Variants in GFRA3 observed in about 807,000 individuals in gnomAD.
The protein encoded by GFRA3 is GDNF family receptor alpha-3.
Under a neutral mutation model 40.0 loss-of-function variants are expected in GFRA3, and 24 were observed. That is an observed-to-expected ratio of 0.60 (90% CI 0.43 to 0.84). The LOEUF is 0.84. Ranked by LOEUF, GFRA3 falls within the 40% of genes least tolerant of loss-of-function variation. The pLI is 0.00. For missense variants in GFRA3, 405 were observed against 530.6 expected (o/e 0.76, Z 2.33); for synonymous variants, 203 against 213.5 (o/e 0.95, Z 0.43).
At chr5:138,265,505 A>G (rs1755770781) in intron 1 of GFRA3, among the ~76,000 whole-genome samples, 1 of 152,126 alleles carries the variant, frequency 6.6e-6, no homozygotes, top group African/African-American at 2.4e-5. Flanking sequence ...GGCGTGAGCC[A>G]CCGCGCCTTA....
chr5:138,271,817 A>G (rs1755872353), intron 1 of GFRA3, among the ~76,000 whole-genome samples: 4 of 146,310 alleles, frequency 2.7e-5, no homozygotes, highest in Admixed American at 2.0e-4. Context: ...AGCTCAAGCA[A>G]TCCACCCACC....
intron 3 of GFRA3, among the ~76,000 whole-genome samples, chr5:138,259,233 G>A (rs1346505408): frequency 3.9e-5 from 6 of 152,208 alleles, no homozygotes; most frequent in African/African-American, 4.8e-5. Context: ...TTGAATGCAA[G>A]TAAATACTGC....
intron 2 of GFRA3, among the ~76,000 whole-genome samples, chr5:138,263,857 A>C (rs1041995937): frequency 1.1e-4 from 16 of 152,110 alleles, no homozygotes; most frequent in African/African-American, 3.9e-4. Flanking sequence ...CTGGTTAATG[A>C]GTATTCTTTC....
At chr5:138,263,052 C>CTT (rs1448336038) in intron 2 of GFRA3, among the ~76,000 whole-genome samples, 3 of 152,176 alleles carry the variant, frequency 2.0e-5, no homozygotes, top group African/African-American at 7.2e-5. Context: ...GCAACCTCTG[C>CTT]TTCCCGGGTT....
intron 4 of GFRA3, 44 bp downstream of exon 4, chr5:138,257,595 C>T (rs1367625314): frequency 3.3e-6 from 5 of 1,521,584 alleles, no homozygotes; most frequent in Non-Finnish European, 4.5e-6. Context: ...GAAGGAGTGG[C>T]GTGTGCCTCA....
At chr5:138,261,736 C>A in intron 2 of GFRA3, among the ~76,000 whole-genome samples, 1 of 147,670 alleles carries the variant, frequency 6.8e-6, no homozygotes, top group African/African-American at 2.5e-5. Context: ...AGAAGAAATG[C>A]CACTGTTTCT....
At chr5:138,273,427 G>A (rs1394051730) in intron 1 of GFRA3, among the ~76,000 whole-genome samples, 1 of 152,188 alleles carries the variant, frequency 6.6e-6, no homozygotes, top group African/African-American at 2.4e-5. Context: ...ATAACCTTTA[G>A]GATTAGTGAA....
Position 138,253,001 on chromosome 5 carries a change from C to A in GFRA3, c.1170G>T (p.Thr390=). ...GGCTCAGGAGCAGAATCAAGGGAAGCGTGCAGGAGAAAAGAGAGGGCACCC... is the reference window on the plus strand; with the variant it reads ...GGCTCAGGAGCAGAATCAAGGGAAGAGTGCAGGAGAAAAGAGAGGGCACCC... ...QPWVPSLFSC[T]LPLILLLSLW The change falls in exon 8 of 8, where the codon ACG becomes ACT. Residue 390 remains threonine, a synonymous_variant. Transcript: ENST00000274721. 6.2e-7 allele frequency: 1 copy of A among 1,608,624 alleles called. No individual in the cohort carries two copies. The highest frequency in any genetic ancestry group is 8.5e-7 in the Non-Finnish European group (1 of 1,175,388).
At position 138,264,411 on chromosome 5, in the gene GFRA3, A is replaced by G. The variant is rs1755753045; in HGVS notation, c.229T>C (p.Ser77Pro). 6.2e-7 allele frequency: 1 copy of G among 1,614,002 alleles called. No homozygotes were observed. Among genetic ancestry groups the G allele is most frequent in the Admixed American group, 1.7e-5 (1 of 59,996 alleles). ...CTSSISTPLPSEEPSVPADCL... is the reference protein window; with the variant it reads ...CTSSISTPLPPEEPSVPADCL... ...TCAGCAGGGACCGAAGGCTCCTCTG[A>G]GGGCAGTGGGGTGCTTATGCTAGAG... Residue 77 changes from serine to proline, a missense_variant, in exon 2 of 8, where the codon TCA becomes CCA. Physicochemically the swap from Ser to Pro is moderately conservative, Grantham distance 74 (BLOSUM62 -1). Coordinates refer to ENST00000274721, the MANE Select transcript of GFRA3 (RefSeq NM_001496.4).
chr5:138,253,765 C>T lies in GFRA3; in HGVS notation c.1024+1G>A. 6.2e-7 allele frequency: 1 copy of T among 1,613,712 alleles called. No individual in the cohort carries two copies. Among genetic ancestry groups the T allele is most frequent in the South Asian group, 1.1e-5 (1 of 91,018 alleles). On this transcript the variant is annotated splice_donor_variant, in intron 6 of 7. Coordinates refer to ENST00000274721, the MANE Select transcript of GFRA3 (RefSeq NM_001496.4). LOFTEE classifies it high-confidence loss of function. Reference sequence around the variant, plus strand: ...GCTGGGAGCAAGTACAGCACACTCACTGAGGCAGGGGTTGTGGGAGAAGAA... The same window carrying T: ...GCTGGGAGCAAGTACAGCACACTCATTGAGGCAGGGGTTGTGGGAGAAGAA...
intron 2 of GFRA3, among the ~76,000 whole-genome samples, chr5:138,262,309 A>T (rs1463884742): frequency 6.6e-6 from 1 of 152,156 alleles, no homozygotes. Flanking sequence ...AAAACAATGG[A>T]TAGGGCAACT....
Position 138,257,965 on chromosome 5 carries a change from G to C in GFRA3, c.473-14C>G. 1 of 1,612,090 alleles carries C rather than the reference G, an allele frequency of 6.2e-7. No homozygotes were observed. The highest frequency in any genetic ancestry group is 8.5e-7 in the Non-Finnish European group (1 of 1,178,226). On this transcript the variant is annotated splice_polypyrimidine_tract_variant and intron_variant, in intron 3 of 7. Coordinates refer to ENST00000274721, the MANE Select transcript of GFRA3 (RefSeq NM_001496.4). ...AGAGGTCTGAGTCTGGGGGGAAAGGGCACGGAGTCAGTCGGCTGGGCCCTC... is the reference window on the plus strand; with the variant it reads ...AGAGGTCTGAGTCTGGGGGGAAAGGCCACGGAGTCAGTCGGCTGGGCCCTC...
chr5:138,256,074 A>G (rs1048250341), intron 4 of GFRA3, among the ~76,000 whole-genome samples: 1 of 151,316 alleles, frequency 6.6e-6, no homozygotes, highest in African/African-American at 2.4e-5. Context: ...CTGAAAATAC[A>G]AAAAAAATTA....
At chr5:138,258,691 A>G (rs1755670571) in intron 3 of GFRA3, among the ~76,000 whole-genome samples, 1 of 152,182 alleles carries the variant, frequency 6.6e-6, no homozygotes, top group Non-Finnish European at 1.5e-5. Context: ...TGTCCAAAAC[A>G]GATGCATCCA....
intron 1 of GFRA3, among the ~76,000 whole-genome samples, chr5:138,270,666 A>G (rs1755855787): frequency 6.6e-6 from 1 of 152,122 alleles, no homozygotes; most frequent in Non-Finnish European, 1.5e-5. Flanking sequence ...TAAAGAACTT[A>G]CTTATGTAAC....
At chr5:138,269,429 G>A (rs950968813) in intron 1 of GFRA3, among the ~76,000 whole-genome samples, 8 of 151,716 alleles carry the variant, frequency 5.3e-5, no homozygotes, top group Non-Finnish European at 1.0e-4. Context: ...CCAGCTACTC[G>A]AGAGGCTGAG....
chr5:138,271,054 G>A lies in GFRA3; in HGVS notation c.91+3280C>T, dbSNP rs183521038. Among the ~76,000 whole-genome samples, 119 of 151,720 alleles carry A rather than the reference G, an allele frequency of 7.8e-4. 1 individual carries two copies. Among genetic ancestry groups the A allele is most frequent in the African/African-American group, 2.8e-3 (116 of 41,352 alleles). ...GTTACCCAGGCTGGAGTGCAGTGGC[G>A]CGATCTCGGCTCACTGCAACCTCTG... On this transcript the variant is annotated intron_variant, in intron 1 of 7. Coordinates refer to ENST00000274721, the MANE Select transcript of GFRA3 (RefSeq NM_001496.4).
At chr5:138,268,274 G>A (rs572363367) in intron 1 of GFRA3, among the ~76,000 whole-genome samples, 1 of 50,854 alleles carries the variant, frequency 2.0e-5, no homozygotes, top group Admixed American at 3.6e-4. Context: ...AGCAGGGTGA[G>A]ACTCCATCTG....
At chr5:138,264,663 G>A (rs1755756752) in intron 1 of GFRA3, 115 bp from the exon 2 acceptor site, 3 of 695,046 alleles carry the variant, frequency 4.3e-6, no homozygotes, top group Admixed American at 2.9e-5. Context: ...AAGTCTTAGG[G>A]TAGCACAAAA....
Sources: allele counts gnomAD v4.1 joint callset (sites outside exome capture counted in the v4.1 genomes callset), GRCh38; gene constraint gnomAD v4.1.1; transcripts MANE v1.5; gene names NCBI Gene and HGNC (gene_info 2026-07-23, HGNC 2026-07-21).